SPRED2: variants seen among roughly 807,000 people sequenced by gnomAD.
SPRED2 encodes sprouty-related, EVH1 domain-containing protein 2.
SPRED2 carries 47 observed loss-of-function variants against 43.0 expected under a neutral mutation model. That is an observed-to-expected ratio of 1.09 (90% CI 0.87 to 1.40). The LOEUF (loss-of-function observed/expected upper bound fraction) is 1.40, where lower values mean the gene tolerates loss of function less well. SPRED2 is among the 40% of genes most tolerant of loss of function. The pLI, the probability that SPRED2 is intolerant of heterozygous loss-of-function variation, is 0.00. For missense variants in SPRED2, 561 were observed against 586.4 expected (o/e 0.96, Z 0.45); for synonymous variants, 225 against 225.7 (o/e 1.00, Z 0.03).
intron 1 of SPRED2, among the ~76,000 whole-genome samples, chr2:65,410,683 C>T (rs369014566): frequency 2.0e-5 from 3 of 151,322 alleles, no homozygotes; most frequent in South Asian, 4.2e-4. Flanking sequence ...GGCGTGAACC[C>T]GCGAGGCGGA....
chr2:65,411,038 T>C (rs1676147244), intron 1 of SPRED2, among the ~76,000 whole-genome samples: 1 of 152,220 alleles, frequency 6.6e-6, no homozygotes, highest in South Asian at 2.1e-4. Flanking sequence ...CTTGACCTAC[T>C]GCAATTGCTA....
chr2:65,360,064 CAAAAAAA>C (rs1243375319), intron 1 of SPRED2, among the ~76,000 whole-genome samples: 1 of 43,226 alleles, frequency 2.3e-5, no homozygotes, highest in Non-Finnish European at 4.8e-5. Flanking sequence ...GACTCCATCT[CAAAAAAA>C]AAAAAAACAA....
chr2:65,336,994 G>A (rs1673984911), intron 2 of SPRED2, among the ~76,000 whole-genome samples: 1 of 152,180 alleles, frequency 6.6e-6, no homozygotes, highest in African/African-American at 2.4e-5. Context: ...TGTAGTCCCA[G>A]CTACTAGGGA....
chr2:65,328,485 C>G (rs1673710988), intron 4 of SPRED2, among the ~76,000 whole-genome samples: 1 of 152,104 alleles, frequency 6.6e-6, no homozygotes, highest in Non-Finnish European at 1.5e-5. Flanking sequence ...GCTGTGGTGG[C>G]TTTATGTGCA....
At chr2:65,308,884 G>T (rs531076245), downstream of SPRED2, among the ~76,000 whole-genome samples, 3 of 152,314 alleles carry the variant, frequency 2.0e-5, no homozygotes, top group African/African-American at 7.2e-5. Context: ...TGGGCATGGT[G>T]GTTCACACCT....
intron 2 of SPRED2, among the ~76,000 whole-genome samples, chr2:65,338,945 C>T (rs1280811985): frequency 1.3e-5 from 2 of 152,132 alleles, no homozygotes; most frequent in Non-Finnish European, 2.9e-5. Flanking sequence ...CGCCTCTGCC[C>T]CGCCGCCCCG....
At chr2:65,377,759 C>CTA (rs1675278791) in intron 1 of SPRED2, 2 of 467,920 alleles carry the variant, frequency 4.3e-6, no homozygotes, top group Admixed American at 4.7e-5. Context: ...GGGCAACTCC[C>CTA]TAGGTAACTG....
In SPRED2 at chr2:65,363,263, T is replaced by A. The variant is rs1229928235; in HGVS notation, c.27-18367A>T. On this transcript the variant is annotated intron_variant, in intron 1 of 5. Coordinates refer to ENST00000356388, the MANE Select transcript of SPRED2 (RefSeq NM_181784.3). ...TCAAAAAAAAAAAAAAAAAAAAAAA[T>A]TCCAACTGGGAATGCGCACGGTTTC... 3.3e-3 allele frequency among the ~76,000 whole-genome samples: 417 copies of A among 125,942 alleles called. 1 individual carries two copies. Among genetic ancestry groups the A allele is most frequent in the Non-Finnish European group, 5.3e-3 (303 of 57,690 alleles). 82.6% of individuals were successfully genotyped at this position (125,942 alleles called of 152,430 possible).
At chr2:65,309,625 A>G (rs1387516013), downstream of SPRED2, among the ~76,000 whole-genome samples, 1 of 152,094 alleles carries the variant, frequency 6.6e-6, no homozygotes, top group Non-Finnish European at 1.5e-5. Flanking sequence ...GGGTCCTGGA[A>G]CCAATCCCCC....
rs558909222 is a variant in SPRED2, at chr2:65,313,425, G to C, written c.*76C>G. The C allele has an allele frequency of 2.8e-4, 423 of 1,525,412 alleles. No individual in the cohort carries two copies. The highest frequency in any genetic ancestry group is 3.6e-4 in the Non-Finnish European group (407 of 1,140,982). The allele number at this position is 1,525,412 out of a possible 1,614,324, so 94.5% of individuals were successfully genotyped here. A position where few individuals can be genotyped will look rare whatever the true frequency, so the allele number is the denominator to read the frequency against. On this transcript the variant is annotated 3_prime_UTR_variant, in exon 6 of 6. Transcript: ENST00000356388. Reference sequence around the variant, plus strand: ...CTCGCTCCTTGGAGTGGAAGGGAGCGGGGGAGAAGATGAGAGTATGTAAGA... The same window carrying C: ...CTCGCTCCTTGGAGTGGAAGGGAGCCGGGGAGAAGATGAGAGTATGTAAGA...
intron 1 of SPRED2, among the ~76,000 whole-genome samples, chr2:65,393,858 T>A (rs1258433229): frequency 6.6e-6 from 1 of 152,156 alleles, no homozygotes; most frequent in African/African-American, 2.4e-5. Context: ...CTACTCTTGA[T>A]AATGGAACAG....
At chr2:65,358,682 C>T (rs748799300) in intron 1 of SPRED2, among the ~76,000 whole-genome samples, 55 of 152,336 alleles carry the variant, frequency 3.6e-4, no homozygotes, top group East Asian at 1.2e-3. Context: ...CTGGTCCAAA[C>T]GTAAGTCAGT....
intron 1 of SPRED2, among the ~76,000 whole-genome samples, chr2:65,368,862 G>C (rs1675049094): frequency 6.6e-6 from 1 of 152,148 alleles, no homozygotes; most frequent in Non-Finnish European, 1.5e-5. Flanking sequence ...TGGGAGGACT[G>C]CTTGAGGCTG....
At chr2:65,410,169 C>T (rs535849425) in intron 1 of SPRED2, among the ~76,000 whole-genome samples, 5 of 151,606 alleles carry the variant, frequency 3.3e-5, no homozygotes, top group Non-Finnish European at 5.9e-5. Context: ...CCCAGGAGTT[C>T]GAGGCTGCAG....
chr2:65,323,448 G>A (rs1244487444), intron 4 of SPRED2, among the ~76,000 whole-genome samples: 1 of 152,022 alleles, frequency 6.6e-6, no homozygotes, highest in Non-Finnish European at 1.5e-5. Context: ...GAGAGAGTAA[G>A]AAAAGAGAAG....
At chr2:65,401,752 A>G (rs947466113) in intron 1 of SPRED2, among the ~76,000 whole-genome samples, 6 of 152,010 alleles carry the variant, frequency 3.9e-5, no homozygotes, top group African/African-American at 1.2e-4. Context: ...GTGAGCCAAG[A>G]TCGCACCACT....
intron 4 of SPRED2, among the ~76,000 whole-genome samples, chr2:65,321,730 CT>C (rs893059208): frequency 2.0e-5 from 3 of 151,954 alleles, no homozygotes; most frequent in Non-Finnish European, 4.4e-5. Context: ...CAAAATCTTC[CT>C]TGGGGTTATG....
At position 65,432,429 on chromosome 2, in the gene SPRED2, G is replaced by T. The variant is rs1289637360; in HGVS notation, c.-442C>A. 6.1e-6 allele frequency: 1 copy of T among 162,978 alleles called. No individual in the cohort carries two copies. Among genetic ancestry groups the T allele is most frequent in the Non-Finnish European group, 1.3e-5 (1 of 75,164 alleles). 10.1% of individuals were successfully genotyped at this position (162,978 alleles called of 1,614,324 possible). The stretch of plus-strand genomic sequence containing the variant: ...CGGGCCAATCACGGTTCCGGGGAGC[G>T]GTCGGCGGCCGGGGGAGGTGCGCCT... On this transcript the variant is annotated 5_prime_UTR_variant, in exon 1 of 6. Coordinates refer to ENST00000356388, the MANE Select transcript of SPRED2 (RefSeq NM_181784.3).
intron 1 of SPRED2, among the ~76,000 whole-genome samples, chr2:65,418,853 C>A (rs1289008583): frequency 6.8e-6 from 1 of 146,090 alleles, no homozygotes; most frequent in Non-Finnish European, 1.5e-5. Context: ...CCGCACCTGG[C>A]CTTTAATTTC....
Sources: allele counts gnomAD v4.1 joint callset (sites outside exome capture counted in the v4.1 genomes callset), GRCh38; gene constraint gnomAD v4.1.1; transcripts MANE v1.5; gene names NCBI Gene and HGNC (gene_info 2026-07-23, HGNC 2026-07-21).